CNTNAP5: variants seen among roughly 807,000 people sequenced by gnomAD.
CNTNAP5 encodes the protein contactin associated protein family member 5.
In CNTNAP5, 72 loss-of-function variants were observed where a neutral mutation model predicts 150.2. The observed-to-expected ratio is 0.48, with a 90% CI of 0.40 to 0.58. CNTNAP5 has a LOEUF of 0.58. Ranked by LOEUF, CNTNAP5 falls within the 20% of genes least tolerant of loss-of-function variation. The pLI is 0.00. For missense variants in CNTNAP5, 1,636 were observed against 1,626.2 expected (o/e 1.01, Z -0.10); for synonymous variants, 672 against 619.8 (o/e 1.08, Z -1.25).
At chr2:124,248,902 T>C (rs1333935839) in intron 3 of CNTNAP5, among the ~76,000 whole-genome samples, 1 of 152,222 alleles carries the variant, frequency 6.6e-6, no homozygotes, top group African/African-American at 2.4e-5. Context: ...GAGGATGATC[T>C]GCTTAAAATT....
At chr2:124,615,998 C>A (rs1026966121) in intron 12 of CNTNAP5, among the ~76,000 whole-genome samples, 1 of 152,100 alleles carries the variant, frequency 6.6e-6, no homozygotes, top group Non-Finnish European at 1.5e-5. Flanking sequence ...TTAAAATATT[C>A]AGTAAACCAT....
intron 13 of CNTNAP5, among the ~76,000 whole-genome samples, chr2:124,717,402 A>T (rs144097941): frequency 2.0e-4 from 31 of 152,346 alleles, no homozygotes; most frequent in African/African-American, 6.3e-4. Context: ...ATAGCACTTT[A>T]GTGCATATAA....
intron 19 of CNTNAP5, among the ~76,000 whole-genome samples, chr2:124,811,789 A>C (rs1336681143): frequency 2.0e-5 from 3 of 149,596 alleles, no homozygotes; most frequent in Non-Finnish European, 4.4e-5. Context: ...AAAAATACAA[A>C]AAGTTAGCTG....
At chr2:124,749,472 T>C (rs1221321763) in intron 14 of CNTNAP5, among the ~76,000 whole-genome samples, 2 of 151,972 alleles carry the variant, frequency 1.3e-5, no homozygotes, top group African/African-American at 2.4e-5. Flanking sequence ...TCGCCCAGGC[T>C]GGGGTGCAAT....
intron 11 of CNTNAP5, among the ~76,000 whole-genome samples, chr2:124,571,132 G>T (rs1324408766): frequency 1.3e-5 from 2 of 152,198 alleles, no homozygotes; most frequent in South Asian, 2.1e-4. Context: ...ATAGACAGAG[G>T]ATGTGTAGAA....
At chr2:124,236,423 G>A (rs1686747956) in intron 2 of CNTNAP5, among the ~76,000 whole-genome samples, 1 of 152,178 alleles carries the variant, frequency 6.6e-6, no homozygotes, top group Non-Finnish European at 1.5e-5. Flanking sequence ...CCTCCTCAAA[G>A]ATTCTTGCCC....
chr2:124,130,880 G>A (rs905570492), intron 1 of CNTNAP5, among the ~76,000 whole-genome samples: 1 of 152,106 alleles, frequency 6.6e-6, no homozygotes, highest in Non-Finnish European at 1.5e-5. Flanking sequence ...TACAGAATAT[G>A]CATTCATTAA....
rs1457112306 is a variant in CNTNAP5 at position 124,485,631 on chromosome 2, A to AAAAAAAAAAAAAAAAGAAGAAG, written c.1062+10752_1062+10753insAAAAAAAAAAAAGAAGAAGAAA. ...CTGTCTCAAAAAAAAAAAAAAAAAA[A>AAAAAAAAAAAAAAAAGAAGAAG]AAAGAAGAAGGTGCATTTACCGGGG... On this transcript the variant is annotated intron_variant, in intron 7 of 23. Transcript: ENST00000682447. Among the ~76,000 whole-genome samples, 9 of 134,258 alleles carry AAAAAAAAAAAAAAAAGAAGAAG rather than the reference A, an allele frequency of 6.7e-5. No individual in the cohort carries two copies. The East Asian group carries it at 6.8e-4, about 10-fold the overall frequency. 88.1% of individuals were successfully genotyped at this position (134,258 alleles called of 152,430 possible).
intron 3 of CNTNAP5, among the ~76,000 whole-genome samples, chr2:124,311,987 C>G (rs182427505): frequency 1.3e-5 from 2 of 152,072 alleles, no homozygotes; most frequent in African/African-American, 4.8e-5. Context: ...TCCAGGGAAT[C>G]GTGAAATAAT....
chr2:124,209,616 T>C (rs767694776), intron 1 of CNTNAP5, among the ~76,000 whole-genome samples: 7 of 152,152 alleles, frequency 4.6e-5, no homozygotes, highest in African/African-American at 1.7e-4. Flanking sequence ...CCTCCCCTTA[T>C]CTAAACCTCT....
chr2:124,046,316 T>G (rs1681532591), intron 1 of CNTNAP5, among the ~76,000 whole-genome samples: 1 of 151,662 alleles, frequency 6.6e-6, no homozygotes, highest in African/African-American at 2.4e-5. Context: ...GCAAACAATC[T>G]GGAATTAATA....
chr2:124,364,828 G>A (rs1014037712), intron 3 of CNTNAP5, among the ~76,000 whole-genome samples: 1 of 152,116 alleles, frequency 6.6e-6, no homozygotes, highest in Admixed American at 6.5e-5. Flanking sequence ...TAATACAGTA[G>A]AGCTTTACTT....
At chr2:124,451,841 T>C (rs952469332) in intron 6 of CNTNAP5, among the ~76,000 whole-genome samples, 8 of 152,020 alleles carry the variant, frequency 5.3e-5, no homozygotes, top group African/African-American at 1.2e-4. Context: ...TACTTGGAGC[T>C]CATTGAATTT....
intron 12 of CNTNAP5, among the ~76,000 whole-genome samples, chr2:124,645,893 G>A (rs776745396): frequency 2.0e-5 from 3 of 152,072 alleles, no homozygotes; most frequent in Non-Finnish European, 4.4e-5. Flanking sequence ...AGTTCAGACG[G>A]CAAGAGCAGG....
intron 1 of CNTNAP5, among the ~76,000 whole-genome samples, chr2:124,054,183 G>A (rs1468515602): frequency 6.6e-6 from 1 of 152,068 alleles, no homozygotes; most frequent in Non-Finnish European, 1.5e-5. Flanking sequence ...AGAGACATGT[G>A]TTCTTTGCCC....
intron 11 of CNTNAP5, among the ~76,000 whole-genome samples, chr2:124,585,472 G>T (rs1696507571): frequency 6.6e-6 from 1 of 152,164 alleles, no homozygotes; most frequent in Admixed American, 6.5e-5. Flanking sequence ...AGATCAACTT[G>T]TAAATAGTTC....
chr2:124,714,240 C>T (rs898319118), intron 13 of CNTNAP5, among the ~76,000 whole-genome samples: 7 of 152,024 alleles, frequency 4.6e-5, no homozygotes, highest in Admixed American at 2.0e-4. Flanking sequence ...TCTATCTGCT[C>T]AATGAATCTT....
At chr2:124,495,249 C>T (rs1235126870) in intron 7 of CNTNAP5, among the ~76,000 whole-genome samples, 1 of 152,012 alleles carries the variant, frequency 6.6e-6, no homozygotes, top group Non-Finnish European at 1.5e-5. Flanking sequence ...AATAATGGTT[C>T]TCAGTGTGTA....
At chr2:124,335,785 G>A (rs924240246) in intron 3 of CNTNAP5, among the ~76,000 whole-genome samples, 2 of 151,920 alleles carry the variant, frequency 1.3e-5, no homozygotes, top group African/African-American at 4.8e-5. Context: ...TTTCTCAACT[G>A]TAGTTTCAAG....
Sources: allele counts gnomAD v4.1 joint callset (sites outside exome capture counted in the v4.1 genomes callset), GRCh38; gene constraint gnomAD v4.1.1; transcripts MANE v1.5; gene names NCBI Gene and HGNC (gene_info 2026-07-23, HGNC 2026-07-21).